Variants in TOX3 observed in about 807,000 individuals in gnomAD.
TOX3 encodes the protein TOX high mobility group box family member 3, also known as CAG trinucleotide repeat-containing gene F9 protein.
A neutral mutation model predicts 64.3 loss-of-function variants in TOX3; 22 were observed. The observed-to-expected ratio is 0.34, with a 90% CI of 0.24 to 0.49. TOX3 has a LOEUF of 0.49. Among genes scored for constraint, TOX3 ranks in the 20% least tolerant of loss-of-function variants. The pLI is 0.99. For missense variants in TOX3, 661 were observed against 714.4 expected (o/e 0.93, Z 0.85); for synonymous variants, 291 against 273.6 (o/e 1.06, Z -0.63).
chr16:52,461,140 G>T (rs1035938166), intron 3 of TOX3, among the ~76,000 whole-genome samples: 1 of 152,050 alleles, frequency 6.6e-6, no homozygotes, highest in South Asian at 2.1e-4. Flanking sequence ...TAGATTTTTA[G>T]AATTGCAATC....
At chr16:52,468,656 G>T in intron 1 of TOX3, 82 bp from the exon 2 acceptor site, 1 of 1,179,500 alleles carries the variant, frequency 8.5e-7, no homozygotes, top group Non-Finnish European at 1.2e-6. Context: ...TGCTGGTGTT[G>T]CTAAATAAAA....
chr16:52,546,622 G>C lies in TOX3; in HGVS notation c.87+15C>G, dbSNP rs781321576. 2.6e-6 allele frequency: 4 copies of C among 1,536,916 alleles called. No homozygotes were observed. In the South Asian group the frequency reaches 4.8e-5, roughly 18 times the overall value. ...GTGGCCCCCGCCCCCCGGCCCACCGGCCCAGCCCGGTCACCTTGCTGTAGC... is the reference window on the plus strand; with the variant it reads ...GTGGCCCCCGCCCCCCGGCCCACCGCCCCAGCCCGGTCACCTTGCTGTAGC... On this transcript the variant is annotated intron_variant, in intron 1 of 6. Transcript: ENST00000219746.
chr16:52,533,818 A>G (rs1962897119), intron 1 of TOX3, among the ~76,000 whole-genome samples: 1 of 152,204 alleles, frequency 6.6e-6, no homozygotes, highest in African/African-American at 2.4e-5. Flanking sequence ...ATCTGGGCAC[A>G]TTTGAAGGTA....
intron 1 of TOX3, among the ~76,000 whole-genome samples, chr16:52,525,603 A>G (rs1410778535): frequency 2.0e-5 from 3 of 152,206 alleles, no homozygotes; most frequent in African/African-American, 4.8e-5. Context: ...AGAGGGGCTC[A>G]TCTCACACCT....
intron 1 of TOX3, among the ~76,000 whole-genome samples, chr16:52,537,726 C>G (rs1175067994): frequency 1.3e-5 from 2 of 152,062 alleles, no homozygotes; most frequent in East Asian, 3.9e-4. Flanking sequence ...GGGCATGGGA[C>G]CCAAGTCTAT....
At chr16:52,529,670 C>T (rs982067401) in intron 1 of TOX3, among the ~76,000 whole-genome samples, 1 of 152,184 alleles carries the variant, frequency 6.6e-6, no homozygotes, top group African/African-American at 2.4e-5. Context: ...AGCTTCTTGG[C>T]CATCAATGCA....
Position 52,507,814 on chromosome 16 carries a change from T to C in TOX3, c.87+38823A>G, listed in dbSNP as rs1018526681. Among the ~76,000 whole-genome samples the C allele has an allele frequency of 6.6e-5, 10 of 152,354 alleles. No individual in the cohort carries two copies. In the East Asian group the frequency reaches 1.9e-3, roughly 29 times the overall value. On this transcript the variant is annotated intron_variant, in intron 1 of 6. Transcript: ENST00000219746. ...CTTAATTACATTTTACTAAGCCTAA[T>C]ACTAGTTTTTCTTTCTTTTTTAGAA...
At chr16:52,485,918 C>T (rs1480448783) in intron 1 of TOX3, among the ~76,000 whole-genome samples, 1 of 152,110 alleles carries the variant, frequency 6.6e-6, no homozygotes, top group Non-Finnish European at 1.5e-5. Flanking sequence ...AGGTTTGGGG[C>T]TGGCATAACT....
At chr16:52,471,836 C>A (rs1487810286) in intron 1 of TOX3, among the ~76,000 whole-genome samples, 1 of 152,118 alleles carries the variant, frequency 6.6e-6, no homozygotes, top group East Asian at 1.9e-4. Context: ...TAATTATCAT[C>A]CCTATTTTAT....
At chr16:52,472,834 C>T (rs1428350934) in intron 1 of TOX3, among the ~76,000 whole-genome samples, 1 of 152,142 alleles carries the variant, frequency 6.6e-6, no homozygotes, top group East Asian at 1.9e-4. Context: ...AGGTCCTTTT[C>T]CATGCTGATA....
intron 1 of TOX3, among the ~76,000 whole-genome samples, chr16:52,483,804 G>C (rs1961433654): frequency 2.7e-5 from 1 of 36,602 alleles, no homozygotes; most frequent in South Asian, 1.0e-3. Flanking sequence ...CCTGACCTCA[G>C]TGATCCTCCC....
At chr16:52,546,515 A>G in intron 1 of TOX3, 122 bp downstream of exon 1, 2 of 849,096 alleles carry the variant, frequency 2.4e-6, no homozygotes, top group Admixed American at 2.7e-5. Context: ...GCTCAAAGGT[A>G]GAAGAGACAT....
At chr16:52,459,040 G>C (rs972733698) in intron 3 of TOX3, among the ~76,000 whole-genome samples, 1 of 152,138 alleles carries the variant, frequency 6.6e-6, no homozygotes, top group Non-Finnish European at 1.5e-5. Flanking sequence ...CAGGCCAGGT[G>C]CAGTGGCTCA....
chr16:52,452,254 T>C (rs1401117833), intron 3 of TOX3, among the ~76,000 whole-genome samples: 5 of 152,104 alleles, frequency 3.3e-5, no homozygotes, highest in Admixed American at 2.0e-4. Context: ...TCTACGTACA[T>C]GTGTATGCTG....
intron 1 of TOX3, among the ~76,000 whole-genome samples, chr16:52,509,082 C>A (rs1199774344): frequency 6.6e-6 from 1 of 152,088 alleles, no homozygotes; most frequent in East Asian, 1.9e-4. Context: ...GAGTGTCTTT[C>A]TTCTAAGTTG....
chr16:52,546,596 G>A lies in TOX3; in HGVS notation c.87+41C>T, dbSNP rs565438115. The A allele has an allele frequency of 2.1e-5, 32 of 1,519,358 alleles. No homozygotes were observed. The African/African-American group carries it at 4.0e-4, about 19-fold the overall frequency. 94.1% of individuals were successfully genotyped at this position (1,519,358 alleles called of 1,614,324 possible). A position where few individuals can be genotyped will look rare whatever the true frequency, so the allele number is the denominator to read the frequency against. On this transcript the variant is annotated intron_variant, in intron 1 of 6. Transcript: ENST00000219746. ...GCGCGGGGCGCGCCCAGGATGGGGA[G>A]GTGGCCCCCGCCCCCCGGCCCACCG...
Position 52,439,487 on chromosome 16 carries a change from A to T in TOX3, c.1469T>A (p.Leu490Gln). 2 of 1,408,594 alleles carry T rather than the reference A, an allele frequency of 1.4e-6. No individual in the cohort carries two copies. The highest frequency in any genetic ancestry group is 2.0e-6 in the Non-Finnish European group (2 of 1,017,458). 87.3% of individuals were successfully genotyped at this position (1,408,594 alleles called of 1,614,324 possible). ...CTGGAGATGCTGCTGCTGCTGCTGCAGGTGCTGCTGCATGTGGTGCTGGAA... is the reference window on the plus strand; with the variant it reads ...CTGGAGATGCTGCTGCTGCTGCTGCTGGTGCTGCTGCATGTGGTGCTGGAA... ...QHFQHHMQQH[L>Q]QQQQQHLQQQ... The change falls in exon 7 of 7, where the codon CTG becomes CAG. Residue 490 changes from leucine to glutamine, a missense_variant. Physicochemically the swap from Leu to Gln is moderately radical, Grantham distance 113. Coordinates refer to ENST00000219746, the MANE Select transcript of TOX3 (RefSeq NM_001080430.4).
Position 52,439,089 on chromosome 16 carries a change from A to G in TOX3, c.*136T>C. ...CTGCAGTTCTTATTGCCTATCTAAT[A>G]GACACTTGAGAGGACCGTTTGATCT... On this transcript the variant is annotated 3_prime_UTR_variant, in exon 7 of 7. Coordinates refer to ENST00000219746, the MANE Select transcript of TOX3 (RefSeq NM_001080430.4). 8.0e-7 allele frequency: 1 copy of G among 1,255,642 alleles called. No individual in the cohort carries two copies. Among genetic ancestry groups the G allele is most frequent in the Non-Finnish European group, 1.1e-6 (1 of 888,878 alleles). The allele number at this position is 1,255,642 out of a possible 1,614,324, so 77.8% of individuals were successfully genotyped here.
chr16:52,541,331 TC>T (rs1240542364), intron 1 of TOX3, among the ~76,000 whole-genome samples: 12 of 152,220 alleles, frequency 7.9e-5, no homozygotes, highest in South Asian at 4.1e-4. Flanking sequence ...CATTTGTTGC[TC>T]CTTTAGTTTC....
Sources: gnomAD v4.1 joint callset for allele counts (sites outside exome capture counted in the v4.1 genomes callset) on GRCh38, gnomAD v4.1.1 for gene constraint, MANE v1.5 for transcripts, NCBI Gene and HGNC (gene_info 2026-07-23, HGNC 2026-07-21) for gene names.